Variants in PTN observed in about 807,000 individuals in gnomAD.
The protein encoded by PTN is heparin affin regulatory protein.
A neutral mutation model predicts 24.1 loss-of-function variants in PTN; 18 were observed. The observed-to-expected ratio is 0.75, with a 90% CI of 0.52 to 1.11. PTN has a LOEUF of 1.11. Among genes scored for constraint, PTN ranks in the 50% least tolerant of loss-of-function variants. The pLI, the probability that PTN is intolerant of heterozygous loss-of-function variation, is 0.00. For synonymous variants in PTN, 78 were observed against 68.6 expected (o/e 1.14, Z -0.67); for missense variants, 163 against 198.8 (o/e 0.82, Z 1.08).
chr7:137,267,684 G>A (rs753156508), intron 1 of PTN, among the ~76,000 whole-genome samples: 2 of 151,872 alleles, frequency 1.3e-5, no homozygotes, highest in African/African-American at 4.8e-5. Flanking sequence ...GTGTCTCCTC[G>A]AGACAAAACA....
intron 1 of PTN, among the ~76,000 whole-genome samples, chr7:137,328,846 A>C (rs759762894): frequency 2.0e-5 from 3 of 152,198 alleles, no homozygotes; most frequent in Admixed American, 6.5e-5. Context: ...AAGACACGGT[A>C]ATCTCTTGAT....
At chr7:137,313,299 C>T (rs1217713115) in intron 1 of PTN, among the ~76,000 whole-genome samples, 1 of 152,088 alleles carries the variant, frequency 6.6e-6, no homozygotes, top group African/African-American at 2.4e-5. Flanking sequence ...AAAGAAATAA[C>T]AACTACATTT....
intron 1 of PTN, among the ~76,000 whole-genome samples, chr7:137,278,759 G>A (rs1289717435): frequency 6.6e-6 from 1 of 151,410 alleles, no homozygotes; most frequent in Non-Finnish European, 1.5e-5. Context: ...AGCCAACATG[G>A]TGACACCCCA....
intron 1 of PTN, chr7:137,325,700 C>A (rs1810248148): frequency 1.3e-5 from 2 of 152,348 alleles, no homozygotes; most frequent in South Asian, 4.1e-4. Context: ...TTTCCACTGG[C>A]TGCAGAAATA....
At chr7:137,235,232 G>T (rs186118326) in intron 4 of PTN, among the ~76,000 whole-genome samples, 11 of 152,058 alleles carry the variant, frequency 7.2e-5, no homozygotes, top group Non-Finnish European at 1.3e-4. Flanking sequence ...TTTGTGAACC[G>T]ATTTAAAGTA....
At chr7:137,300,679 C>T (rs942027871) in intron 1 of PTN, among the ~76,000 whole-genome samples, 1 of 151,832 alleles carries the variant, frequency 6.6e-6, no homozygotes, top group Non-Finnish European at 1.5e-5. Context: ...CAGCGGATCT[C>T]CCAAACAATA....
chr7:137,290,717 G>C (rs920295161), intron 1 of PTN, among the ~76,000 whole-genome samples: 1 of 152,060 alleles, frequency 6.6e-6, no homozygotes, highest in Non-Finnish European at 1.5e-5. Context: ...TTGGAGGTGA[G>C]CTGGGGTGGC....
intron 1 of PTN, among the ~76,000 whole-genome samples, chr7:137,321,757 C>A (rs1585044167): frequency 6.6e-6 from 1 of 152,112 alleles, no homozygotes; most frequent in Non-Finnish European, 1.5e-5. Context: ...CATATGTAAT[C>A]AGCAAAAATG....
intron 4 of PTN, among the ~76,000 whole-genome samples, chr7:137,241,318 TA>T (rs1808624602): frequency 2.0e-5 from 3 of 152,244 alleles, no homozygotes; most frequent in African/African-American, 7.2e-5. Context: ...TAAAAATAAA[TA>T]TAACAGTAAC....
At chr7:137,233,407 C>T (rs1285535428) in intron 4 of PTN, among the ~76,000 whole-genome samples, 1 of 151,902 alleles carries the variant, frequency 6.6e-6, no homozygotes, top group African/African-American at 2.4e-5. Context: ...ATGTCCTCTG[C>T]AATCTCATCT....
At chr7:137,237,985 G>A (rs77817552) in intron 4 of PTN, among the ~76,000 whole-genome samples, 3 of 152,190 alleles carry the variant, frequency 2.0e-5, no homozygotes, top group East Asian at 3.9e-4. Context: ...CCGCCTGCAT[G>A]CATGAACACT....
At chr7:137,297,953 C>T (rs1189670531) in intron 1 of PTN, among the ~76,000 whole-genome samples, 2 of 151,962 alleles carry the variant, frequency 1.3e-5, no homozygotes, top group African/African-American at 2.4e-5. Context: ...TCTGCACTCA[C>T]TAACCCTGTC....
At chr7:137,317,319 C>G (rs1049734641) in intron 1 of PTN, among the ~76,000 whole-genome samples, 2 of 152,068 alleles carry the variant, frequency 1.3e-5, no homozygotes, top group Non-Finnish European at 2.9e-5. Context: ...GGTTTTTTTC[C>G]TATGTGGTTA....
intron 4 of PTN, among the ~76,000 whole-genome samples, chr7:137,242,858 G>C (rs573840471): frequency 6.6e-6 from 1 of 152,194 alleles, no homozygotes; most frequent in Admixed American, 6.5e-5. Flanking sequence ...GGGTCCATCC[G>C]GCAGGGATGC....
rs114790737 is a variant in PTN at position 137,262,208 on chromosome 7, A to G, written c.-1-7234T>C. Among the ~76,000 whole-genome samples, 652 of 152,244 alleles carry G rather than the reference A, an allele frequency of 4.3e-3. 7 individuals carry two copies. The highest frequency in any genetic ancestry group is 0.015 in the African/African-American group (606 of 41,558). ...TTTGGTTAAATATTTTCAGACAGTA[A>G]TGAGATCTTTGCTTTGCTTATTTTC... On this transcript the variant is annotated intron_variant, in intron 1 of 4. Coordinates refer to ENST00000348225, the MANE Select transcript of PTN (RefSeq NM_002825.7).
At chr7:137,230,746 T>C (rs1808413252) in intron 4 of PTN, among the ~76,000 whole-genome samples, 1 of 151,882 alleles carries the variant, frequency 6.6e-6, no homozygotes, top group Non-Finnish European at 1.5e-5. Context: ...GTATACATGA[T>C]GGGTTTAAAA....
rs1366943397 is a variant in PTN at position 137,324,417 on chromosome 7, T to TAAAAAAAAAAA, written c.-2+19011_-2+19021dup. Among the ~76,000 whole-genome samples the TAAAAAAAAAAA allele has an allele frequency of 6.3e-5, 4 of 63,476 alleles. 1 individual carries two copies. The highest frequency in any genetic ancestry group is 3.4e-4 in the African/African-American group (4 of 11,738). The allele number at this position is 63,476 out of a possible 152,430, so 41.6% of individuals were successfully genotyped here. A position where few individuals can be genotyped will look rare whatever the true frequency, so the allele number is the denominator to read the frequency against. ...GGGCAGCACAGCGAGACCCTGTCTC[T>TAAAAAAAAAAA]AAAAAAAAAAAAAAAAATATATATA... is the stretch of plus-strand genomic sequence containing the variant. On this transcript the variant is annotated intron_variant, in intron 1 of 4. Transcript: ENST00000348225.
At chr7:137,231,669 A>C (rs957381571) in intron 4 of PTN, among the ~76,000 whole-genome samples, 1 of 151,932 alleles carries the variant, frequency 6.6e-6, no homozygotes, top group African/African-American at 2.4e-5. Context: ...GAATACTTGA[A>C]TGGGAAATAG....
At chr7:137,267,588 T>C (rs985836118) in intron 1 of PTN, among the ~76,000 whole-genome samples, 6 of 152,168 alleles carry the variant, frequency 3.9e-5, no homozygotes, top group Admixed American at 6.5e-5. Context: ...CCTGGTATCA[T>C]AGTAACACCG....
Sources: allele counts gnomAD v4.1 joint callset (sites outside exome capture counted in the v4.1 genomes callset), GRCh38; gene constraint gnomAD v4.1.1; transcripts MANE v1.5; gene names NCBI Gene and HGNC (gene_info 2026-07-23, HGNC 2026-07-21).